PCDHAC2: variants seen among roughly 807,000 people sequenced by gnomAD.
PCDHAC2 encodes protocadherin alpha subfamily C, 2.
PCDHAC2 carries 24 observed loss-of-function variants against 63.3 expected under a neutral mutation model. The observed-to-expected ratio is 0.38, with a 90% CI of 0.27 to 0.53. PCDHAC2 has a LOEUF of 0.53. PCDHAC2 is among the 20% of genes least tolerant of loss of function. PCDHAC2 has a pLI of 0.81. For missense variants in PCDHAC2, 1,181 were observed against 1,275.2 expected, an observed-to-expected ratio of 0.93 and a Z score of 1.12; for synonymous variants, 569 against 529.4, an observed-to-expected ratio of 1.07 and a Z score of -1.03.
chr5:141,003,540 T>A (rs2098129225), intron 3 of PCDHAC2, among the ~76,000 whole-genome samples: 1 of 152,188 alleles, frequency 6.6e-6, no homozygotes, highest in Non-Finnish European at 1.5e-5. Flanking sequence ...CTTGAACTCC[T>A]GGCTTCAAGT....
At position 140,966,655 on chromosome 5, in the gene PCDHAC2, G is replaced by T. The variant is rs576875582; in HGVS notation, c.-112G>T. The T allele has an allele frequency of 2.6e-5, 31 of 1,195,250 alleles. No homozygotes were observed. In the South Asian group the frequency reaches 4.0e-4, roughly 15 times the overall value. 74.0% of individuals were successfully genotyped at this position (1,195,250 alleles called of 1,614,324 possible). On this transcript the variant is annotated 5_prime_UTR_variant, in exon 1 of 4. Coordinates refer to ENST00000289269, the MANE Select transcript of PCDHAC2 (RefSeq NM_018899.6). ...AGGCGCTTTCTAGAGCGTGAGCGGT[G>T]GGGGAGCAGGCGCAGGGTGGCACGA...
chr5:140,966,850 C>A lies in PCDHAC2; in HGVS notation c.84C>A (p.Leu28=). 1 of 1,572,900 alleles carries A rather than the reference C, an allele frequency of 6.4e-7. No individual in the cohort carries two copies. Among genetic ancestry groups the A allele is most frequent in the Non-Finnish European group, 8.6e-7 (1 of 1,163,122 alleles). ...TGCCCTGGCTGCTGCTACTGCCTCT[C>A]CTGCTGCTGTTGCTGCTGCTGCTAC... is the stretch of plus-strand genomic sequence containing the variant. ...RPMPWLLLLP[L]LLLLLLLLPG... Residue 28 remains leucine (L), a synonymous_variant, in exon 1 of 4, where the codon CTC becomes CTA. Transcript: ENST00000289269.
At chr5:141,000,376 T>C (rs2097906883) in intron 3 of PCDHAC2, among the ~76,000 whole-genome samples, 1 of 58,410 alleles carries the variant, frequency 1.7e-5, no homozygotes, top group Non-Finnish European at 3.2e-5. Flanking sequence ...TCTCTCTCTC[T>C]CTCTCTCTCT....
In PCDHAC2 at chr5:140,978,014, A is replaced by C. The variant is rs939579655; in HGVS notation, c.2566-935A>C. ...AGTGTCACAAGTTTTTCACAGTGAC[A>C]TTTTTGCTTACTGATACAAGACAGT... On this transcript the variant is annotated intron_variant, in intron 1 of 3. Transcript: ENST00000289269. Among the ~76,000 whole-genome samples, 9 of 152,256 alleles carry C rather than the reference A, an allele frequency of 5.9e-5. 1 individual carries two copies. The highest frequency in any genetic ancestry group is 2.2e-4 in the African/African-American group (9 of 41,540).
At chr5:141,009,602 T>G in intron 3 of PCDHAC2, 25 bp from the exon 4 acceptor site, 1 of 1,608,136 alleles carries the variant, frequency 6.2e-7, no homozygotes, top group Non-Finnish European at 8.5e-7. Flanking sequence ...ACCCTGTTAA[T>G]GATTTGTAAT....
intron 3 of PCDHAC2, among the ~76,000 whole-genome samples, chr5:141,006,105 G>GTT (rs79904017): frequency 1.9e-4 from 27 of 143,364 alleles, no homozygotes; most frequent in Middle Eastern, 3.8e-3. Flanking sequence ...ATGGTAAGGA[G>GTT]TTTTTTTTTT....
Position 140,968,682 on chromosome 5 carries a change from C to T in PCDHAC2, c.1916C>T (p.Thr639Ile). 6.2e-7 allele frequency: 1 copy of T among 1,614,128 alleles called. No individual in the cohort carries two copies. The highest frequency in any genetic ancestry group is 8.5e-7 in the Non-Finnish European group (1 of 1,180,030). Reference sequence around the variant, plus strand: ...GACCTCTTTAAGGTAGAGCTGCACACAGGAGAAATTAGGACTACCAGGAAG... The same window carrying T: ...GACCTCTTTAAGGTAGAGCTGCACATAGGAGAAATTAGGACTACCAGGAAG... The part of the protein sequence containing the change: ...DLDLFKVELH[T>I]GEIRTTRKMG... Residue 639 changes from threonine to isoleucine, a missense_variant, in exon 1 of 4, where the codon ACA (threonine) becomes ATA (isoleucine). Thr to Ile is a moderately conservative substitution (Grantham distance 89). This residue lies in a region of PCDHAC2 where 968 missense variants were observed against 1,073.5 expected (regional missense o/e 0.90). Transcript: ENST00000289269.
intron 2 of PCDHAC2, among the ~76,000 whole-genome samples, chr5:140,979,789 C>CAAAT (rs1244398411): frequency 2.6e-5 from 4 of 152,148 alleles, no homozygotes; most frequent in African/African-American, 9.7e-5. Context: ...GACCAAGAAA[C>CAAAT]AAATGATCAC....
intron 3 of PCDHAC2, among the ~76,000 whole-genome samples, chr5:140,997,635 A>C (rs1317325954): frequency 6.6e-6 from 1 of 151,942 alleles, no homozygotes; most frequent in Non-Finnish European, 1.5e-5. Context: ...CAAAAAGCAA[A>C]ATGGGATAAT....
At chr5:140,982,252 C>A in intron 2 of PCDHAC2, 2 of 770,940 alleles carry the variant, frequency 2.6e-6, no homozygotes, top group South Asian at 2.6e-5. Flanking sequence ...AAAGATAGAA[C>A]ATGTGTGTTC....
chr5:141,010,461 G>C lies in PCDHAC2; in HGVS notation c.*524G>C. The C allele has an allele frequency of 1.2e-6, 1 of 823,014 alleles. No individual in the cohort carries two copies. The highest frequency in any genetic ancestry group is 1.8e-6 in the Non-Finnish European group (1 of 553,022). The allele number at this position is 823,014 out of a possible 1,614,324, so 51.0% of individuals were successfully genotyped here. A position where few individuals can be genotyped will look rare whatever the true frequency, so the allele number is the denominator to read the frequency against. On this transcript the variant is annotated 3_prime_UTR_variant, in exon 4 of 4. Coordinates refer to ENST00000289269, the MANE Select transcript of PCDHAC2 (RefSeq NM_018899.6). ...GACAAATAAACAGCGGAAGTTATCAGTATGGAGGGGAAGTGTAAACTTAAA... is the reference window on the plus strand; with the variant it reads ...GACAAATAAACAGCGGAAGTTATCACTATGGAGGGGAAGTGTAAACTTAAA...
intron 3 of PCDHAC2, among the ~76,000 whole-genome samples, chr5:141,000,421 A>ATT (rs34755515): frequency 0.021 from 589 of 27,976 alleles, 60 homozygotes; most frequent in Middle Eastern, 0.062. Flanking sequence ...ATATATATAT[A>ATT]TTTTTTTTTT....
Position 140,967,487 on chromosome 5 carries a change from G to C in PCDHAC2, c.721G>C (p.Ala241Pro). The C allele has an allele frequency of 5.0e-6, 8 of 1,613,290 alleles. No homozygotes were observed. The highest frequency in any genetic ancestry group is 6.8e-6 in the Non-Finnish European group (8 of 1,179,666). Reference sequence around the variant, plus strand: ...GGGCATCCCAGCCCGCTCGGGTACGGCACAGATCTCTGTGCGTGTCCTGGA... The same window carrying C: ...GGGCATCCCAGCCCGCTCGGGTACGCCACAGATCTCTGTGCGTGTCCTGGA... ...DGGIPARSGT[A>P]QISVRVLDTN... The change falls in exon 1 of 4, where the codon GCA becomes CCA. Residue 241 changes from alanine to proline, a missense_variant. By Grantham distance (27) the Ala-to-Pro change is conservative (BLOSUM62 -1). Around this residue, in one of 3 missense-constraint regions of PCDHAC2, gnomAD observed 968 missense variants for 1,073.5 expected, o/e 0.90. Coordinates refer to ENST00000289269, the MANE Select transcript of PCDHAC2 (RefSeq NM_018899.6).
At chr5:141,004,188 TA>T (rs1391411358) in intron 3 of PCDHAC2, among the ~76,000 whole-genome samples, 5 of 152,260 alleles carry the variant, frequency 3.3e-5, no homozygotes, top group African/African-American at 1.2e-4. Flanking sequence ...TGAGTGCTCT[TA>T]ACCAAAAGGA....
chr5:140,973,894 G>A (rs1161980569), intron 1 of PCDHAC2, among the ~76,000 whole-genome samples: 1 of 152,194 alleles, frequency 6.6e-6, no homozygotes, highest in African/African-American at 2.4e-5. Flanking sequence ...ATTTGCAAAT[G>A]TTTGAGGAAA....
At position 140,967,414 on chromosome 5, in the gene PCDHAC2, C is replaced by T; in HGVS notation, c.648C>T (p.Asp216=). 1 of 1,613,156 alleles carries T rather than the reference C, an allele frequency of 6.2e-7. No homozygotes were observed. The highest frequency in any genetic ancestry group is 1.3e-5 in the African/African-American group (1 of 75,030). ...AGCTGGTGCTGCGTAAGGGCCTAGA[C>T]CGGGAGCAGGCAGCCTTGCACCACC... is the stretch of plus-strand genomic sequence containing the variant. ...VLELVLRKGL[D]REQAALHHLV... is the part of the protein sequence containing the mutation. The change falls in exon 1 of 4, where the codon GAC becomes GAT. Residue 216 remains aspartate (D), a synonymous_variant. Transcript: ENST00000289269.
intron 3 of PCDHAC2, among the ~76,000 whole-genome samples, chr5:141,000,393 C>CTATA (rs1563650230): frequency 1.3e-4 from 7 of 52,858 alleles, no homozygotes; most frequent in Admixed American, 2.8e-4. Context: ...CTCTCTCTCT[C>CTATA]TCTATATATA....
At chr5:141,002,907 A>T (rs1201381868) in intron 3 of PCDHAC2, among the ~76,000 whole-genome samples, 1 of 152,210 alleles carries the variant, frequency 6.6e-6, no homozygotes, top group Non-Finnish European at 1.5e-5. Flanking sequence ...TGAAGAGAAG[A>T]TCAGAAAAGT....
At position 140,985,761 on chromosome 5, in the gene PCDHAC2, A is replaced by C. The variant is rs1239020885; in HGVS notation, c.2713+3198A>C. On this transcript the variant is annotated intron_variant, in intron 3 of 3. Transcript: ENST00000289269. ...TTCCTTTTTTTTTTTTTTTTTTTTGAGACAGTCTCGCTCTGTCGCCCAGGC... is the reference window on the plus strand; with the variant it reads ...TTCCTTTTTTTTTTTTTTTTTTTTGCGACAGTCTCGCTCTGTCGCCCAGGC... 7.9e-5 allele frequency among the ~76,000 whole-genome samples: 5 copies of C among 63,266 alleles called. No individual in the cohort carries two copies. In the East Asian group the frequency reaches 3.3e-3, roughly 41 times the overall value. 41.5% of individuals were successfully genotyped at this position (63,266 alleles called of 152,430 possible). A position where few individuals can be genotyped will look rare whatever the true frequency, so the allele number is the denominator to read the frequency against.
Sources: gnomAD v4.1 joint callset for allele counts (sites outside exome capture counted in the v4.1 genomes callset) on GRCh38, gnomAD v4.1.1 for gene constraint, gnomAD v4.1.1 regional missense constraint, MANE v1.5 for transcripts, NCBI Gene and HGNC (gene_info 2026-07-23, HGNC 2026-07-21) for gene names.